SYNDIG1: variants seen among roughly 807,000 people sequenced by gnomAD.
SYNDIG1 encodes the protein synapse differentiation inducing 1, also known as synapse differentiation-inducing gene protein 1.
SYNDIG1 carries 9 observed loss-of-function variants against 19.4 expected under a neutral mutation model. That is an observed-to-expected ratio of 0.46 (90% CI 0.28 to 0.81). SYNDIG1 has a LOEUF of 0.81. SYNDIG1 is among the 30% of genes least tolerant of loss of function. SYNDIG1 has a pLI of 0.12. For synonymous variants in SYNDIG1, 141 were observed against 145.9 expected, an observed-to-expected ratio of 0.97 and a Z score of 0.24; for missense variants, 311 against 343.3, an observed-to-expected ratio of 0.91 and a Z score of 0.74.
intron 1 of SYNDIG1, among the ~76,000 whole-genome samples, chr20:24,471,551 G>A (rs1014446237): frequency 1.4e-5 from 2 of 142,596 alleles, no homozygotes; most frequent in African/African-American, 5.2e-5. Flanking sequence ...CTCTCACCCT[G>A]TCCCCATTTC....
chr20:24,553,255 T>C, intron 2 of SYNDIG1, among the ~76,000 whole-genome samples: 1 of 152,182 alleles, frequency 6.6e-6, no homozygotes, highest in East Asian at 1.9e-4. Flanking sequence ...TCCCATTTTG[T>C]AGGTTGCCTG....
chr20:24,550,885 C>G (rs959503452), intron 2 of SYNDIG1, among the ~76,000 whole-genome samples: 2 of 152,170 alleles, frequency 1.3e-5, no homozygotes, highest in African/African-American at 4.8e-5. Context: ...GTTTATAATC[C>G]TCTTTAAGTG....
chr20:24,524,172 C>T (rs138621763), intron 1 of SYNDIG1, among the ~76,000 whole-genome samples: 3 of 152,254 alleles, frequency 2.0e-5, no homozygotes, highest in African/African-American at 4.8e-5. Context: ...ACTTCGAAGG[C>T]GCTGACCCAT....
intron 3 of SYNDIG1, among the ~76,000 whole-genome samples, chr20:24,603,667 A>G (rs4815284): frequency 0.61 from 93,136 of 152,066 alleles, 28,723 homozygotes; most frequent in Admixed American, 0.67. Context: ...CTCAGCGAGG[A>G]AGCATTGCAT....
Position 24,665,710 on chromosome 20 carries a change from G to A in SYNDIG1, c.*206G>A. On this transcript the variant is annotated 3_prime_UTR_variant, in exon 4 of 4. Coordinates refer to ENST00000376862, the MANE Select transcript of SYNDIG1 (RefSeq NM_024893.3). ...GTAGAGCACCAGACAGACGGGCACT[G>A]CTAATCCTTCCAAAGGAAAGCTCCA... The A allele has an allele frequency of 1.6e-6, 1 of 613,028 alleles. No homozygotes were observed. Among genetic ancestry groups the A allele is most frequent in the Non-Finnish European group, 2.6e-6 (1 of 387,396 alleles). The allele number at this position is 613,028 out of a possible 1,614,324, so 38.0% of individuals were successfully genotyped here.
intron 3 of SYNDIG1, among the ~76,000 whole-genome samples, chr20:24,618,028 C>G (rs1216887255): frequency 1.1e-5 from 1 of 89,586 alleles, no homozygotes; most frequent in Non-Finnish European, 2.1e-5. Flanking sequence ...AGAGAGAGCC[C>G]GGGGAGTGGG....
chr20:24,521,219 A>G (rs145128614), intron 1 of SYNDIG1, among the ~76,000 whole-genome samples: 1,635 of 152,248 alleles, frequency 0.011, 24 homozygotes, highest in African/African-American at 0.038. Context: ...TCCTCTGTCA[A>G]TGGGCGTTTT....
intron 3 of SYNDIG1, among the ~76,000 whole-genome samples, chr20:24,585,338 AC>A (rs1431250608): frequency 6.6e-6 from 1 of 152,094 alleles, no homozygotes; most frequent in Non-Finnish European, 1.5e-5. Context: ...GTGTGGGGTG[AC>A]CCCAGTGCCG....
At chr20:24,611,526 TC>T (rs1438970712) in intron 3 of SYNDIG1, among the ~76,000 whole-genome samples, 1 of 151,742 alleles carries the variant, frequency 6.6e-6, no homozygotes, top group African/African-American at 2.4e-5. Flanking sequence ...TGGACCATCC[TC>T]CCCACGGGGT....
At chr20:24,527,203 C>T (rs1036682813) in intron 1 of SYNDIG1, among the ~76,000 whole-genome samples, 2 of 152,086 alleles carry the variant, frequency 1.3e-5, no homozygotes, top group African/African-American at 4.8e-5. Context: ...TTTTTCTATT[C>T]GTGAGGCATT....
At chr20:24,564,147 T>C (rs1452423184) in intron 2 of SYNDIG1, among the ~76,000 whole-genome samples, 2 of 152,098 alleles carry the variant, frequency 1.3e-5, no homozygotes, top group Non-Finnish European at 2.9e-5. Flanking sequence ...TATCATAATA[T>C]TATAAGGAAA....
intron 1 of SYNDIG1, among the ~76,000 whole-genome samples, chr20:24,538,897 T>C (rs2057413170): frequency 6.6e-6 from 1 of 152,230 alleles, no homozygotes; most frequent in African/African-American, 2.4e-5. Context: ...GCCATCTGTA[T>C]ATCTTCTTTG....
At position 24,561,163 on chromosome 20, in the gene SYNDIG1, G is replaced by T. The variant is rs6083556; in HGVS notation, c.480+17586G>T. ...CTGCCAGTAGCTCCGTGTGTGCTTTGGACAATGCATTTCAAGGTTCAGGCA... is the reference window on the plus strand; with the variant it reads ...CTGCCAGTAGCTCCGTGTGTGCTTTTGACAATGCATTTCAAGGTTCAGGCA... On this transcript the variant is annotated intron_variant, in intron 2 of 3. Coordinates refer to ENST00000376862, the MANE Select transcript of SYNDIG1 (RefSeq NM_024893.3). Among the ~76,000 whole-genome samples, 24 of 151,824 alleles carry T rather than the reference G, an allele frequency of 1.6e-4. No individual in the cohort carries two copies. In the East Asian group the frequency reaches 4.5e-3, roughly 28 times the overall value.
chr20:24,644,592 C>T (rs1364715169), intron 3 of SYNDIG1, among the ~76,000 whole-genome samples: 1 of 152,220 alleles, frequency 6.6e-6, no homozygotes, highest in East Asian at 1.9e-4. Flanking sequence ...AAGAAATCTT[C>T]CTCCCTGAGA....
At chr20:24,663,278 A>G (rs1042356481) in intron 3 of SYNDIG1, among the ~76,000 whole-genome samples, 1 of 152,144 alleles carries the variant, frequency 6.6e-6, no homozygotes, top group African/African-American at 2.4e-5. Context: ...CACATTCCCT[A>G]GGTTTCTTGT....
intron 3 of SYNDIG1, among the ~76,000 whole-genome samples, chr20:24,622,774 C>CA (rs1309963000): frequency 2.6e-5 from 4 of 152,032 alleles, no homozygotes; most frequent in Non-Finnish European, 5.9e-5. Flanking sequence ...GAAGAAGAAA[C>CA]AAGAAATATT....
chr20:24,520,584 T>C (rs1460698792), intron 1 of SYNDIG1, among the ~76,000 whole-genome samples: 2 of 151,800 alleles, frequency 1.3e-5, no homozygotes, highest in African/African-American at 4.8e-5. Context: ...TCCCAGCTGC[T>C]CAGGAGGCTG....
At chr20:24,478,109 G>T (rs932536495) in intron 1 of SYNDIG1, among the ~76,000 whole-genome samples, 1 of 152,254 alleles carries the variant, frequency 6.6e-6, no homozygotes, top group Non-Finnish European at 1.5e-5. Flanking sequence ...AGGTCTGGAT[G>T]AAATAGAGGT....
At chr20:24,477,331 TTTTG>T (rs2055659656) in intron 1 of SYNDIG1, among the ~76,000 whole-genome samples, 2 of 143,602 alleles carry the variant, frequency 1.4e-5, no homozygotes, top group Admixed American at 6.7e-5. Flanking sequence ...AAACACACTG[TTTTG>T]TTTTTTTTTT....
Sources: gnomAD v4.1 joint callset for allele counts (sites outside exome capture counted in the v4.1 genomes callset) on GRCh38, gnomAD v4.1.1 for gene constraint, MANE v1.5 for transcripts, NCBI Gene and HGNC (gene_info 2026-07-23, HGNC 2026-07-21) for gene names.